NRG1: variants seen among roughly 807,000 people sequenced by gnomAD.
NRG1 encodes the protein neuregulin 1, also known as pro-neuregulin-1, membrane-bound isoform.
Under a neutral mutation model 63.8 loss-of-function variants are expected in NRG1, and 18 were observed. The ratio of observed to expected loss-of-function variants is 0.28; its 90% confidence interval spans 0.19 to 0.42. The LOEUF (loss-of-function observed/expected upper bound fraction) is 0.42, where lower values mean the gene tolerates loss of function less well. NRG1 is among the 10% of genes least tolerant of loss of function. The pLI is 1.00. For missense variants in NRG1, 762 were observed against 814.7 expected (o/e 0.94, Z 0.79); for synonymous variants, 302 against 301.3 (o/e 1.00, Z -0.02).
chr8:31,845,116 A>T (rs1479938286), intron 1 of NRG1, among the ~76,000 whole-genome samples: 1 of 151,308 alleles, frequency 6.6e-6, no homozygotes. Context: ...CAAATAAATA[A>T]ATAAATAAAT....
chr8:32,009,722 A>G (rs1406283231), intron 1 of NRG1, among the ~76,000 whole-genome samples: 2 of 151,964 alleles, frequency 1.3e-5, no homozygotes, highest in African/African-American at 2.4e-5. Flanking sequence ...GATCTTAGCC[A>G]TTGTTTATAG....
rs531742985 is a variant in NRG1 at position 31,702,044 on chromosome 8, A to G, written c.37+62613A>G. ...TTAGGAAGCTTACCAGGTGATTCTT[A>G]TTCACCTGAAAGTTTGAGAATCACT... On this transcript the variant is annotated intron_variant, in intron 1 of 10. Transcript: ENST00000519301. Among the ~76,000 whole-genome samples the G allele has an allele frequency of 3.3e-5, 5 of 152,286 alleles. No homozygotes were observed. In the South Asian group the frequency reaches 1.0e-3, roughly 32 times the overall value.
chr8:32,437,990 G>A (rs1482603842), intron 1 of NRG1, among the ~76,000 whole-genome samples: 1 of 152,046 alleles, frequency 6.6e-6, no homozygotes, highest in African/African-American at 2.4e-5. Context: ...GTATTTTGAG[G>A]TAATTGTAGA....
chr8:32,234,170 G>C (rs1847292759), intron 1 of NRG1, among the ~76,000 whole-genome samples: 1 of 152,136 alleles, frequency 6.6e-6, no homozygotes, highest in Non-Finnish European at 1.5e-5. Flanking sequence ...AAAGATTGAA[G>C]GTTGCCAAAA....
intron 2 of NRG1, among the ~76,000 whole-genome samples, chr8:32,601,450 A>G (rs1844341555): frequency 6.6e-6 from 1 of 152,132 alleles, no homozygotes; most frequent in Non-Finnish European, 1.5e-5. Flanking sequence ...GACACCCTAT[A>G]CATTTTTGAA....
At chr8:31,806,943 G>A (rs887640636) in intron 1 of NRG1, among the ~76,000 whole-genome samples, 5 of 152,208 alleles carry the variant, frequency 3.3e-5, no homozygotes, top group African/African-American at 1.2e-4. Context: ...TTGAGTACAA[G>A]TGTTGGCAAA....
In NRG1 at chr8:32,362,386, G is replaced by A. The variant is rs565694656; in HGVS notation, c.38-233442G>A. ...TTTTTACATTTTCTACATTTAAGAT[G>A]CACACGGAATATGCGATGTTGTGGA... On this transcript the variant is annotated intron_variant, in intron 1 of 10. Coordinates refer to the NRG1 transcript ENST00000519301. 2.9e-4 allele frequency among the ~76,000 whole-genome samples: 44 copies of A among 152,308 alleles called. No individual in the cohort carries two copies. In the South Asian group the frequency reaches 9.1e-3, roughly 32 times the overall value.
chr8:32,595,075 A>C (rs1843120127), intron 1 of NRG1, among the ~76,000 whole-genome samples: 1 of 152,248 alleles, frequency 6.6e-6, no homozygotes, highest in African/African-American at 2.4e-5. Context: ...GATTTTAAAA[A>C]TGGATGTGAT....
intron 1 of NRG1, among the ~76,000 whole-genome samples, chr8:32,292,578 C>T (rs1294813463): frequency 6.6e-6 from 1 of 152,206 alleles, no homozygotes; most frequent in Non-Finnish European, 1.5e-5. Flanking sequence ...CTTGCTCTCT[C>T]TCTCTGTTCT....
chr8:32,743,582 A>ATATATATATATATATG (rs1302414724), intron 7 of NRG1, among the ~76,000 whole-genome samples: 2 of 144,802 alleles, frequency 1.4e-5, no homozygotes, highest in Non-Finnish European at 3.0e-5. Context: ...ACATATATAT[A>ATATATATATATATATG]TATATATATA....
rs2129469645 is a variant in NRG1 at position 32,240,890 on chromosome 8, C to T, written c.38-354938C>T. Among the ~76,000 whole-genome samples, 4 of 152,126 alleles carry T rather than the reference C, an allele frequency of 2.6e-5. 1 individual carries two copies. In the South Asian group the frequency reaches 8.3e-4, roughly 32 times the overall value. On this transcript the variant is annotated intron_variant, in intron 1 of 10. Transcript: ENST00000519301. ...AATAAGCTTTAACTGACCACTCTTT[C>T]CTTCCTATCCAAAGCTTAGTCAATG...
At chr8:31,676,587 C>G (rs1484281189) in intron 1 of NRG1, among the ~76,000 whole-genome samples, 2 of 152,170 alleles carry the variant, frequency 1.3e-5, no homozygotes, top group Non-Finnish European at 2.9e-5. Flanking sequence ...TCTGCTTAAT[C>G]AGAAAGGCCT....
At chr8:32,220,579 ACGCTGGTT>A (rs1257681679) in intron 1 of NRG1, among the ~76,000 whole-genome samples, 2 of 152,164 alleles carry the variant, frequency 1.3e-5, no homozygotes, top group Non-Finnish European at 2.9e-5. Context: ...AGAAATAAAC[ACGCTGGTT>A]CAAAGGAGGG....
chr8:32,354,880 C>A (rs1395582957), intron 1 of NRG1, among the ~76,000 whole-genome samples: 1 of 149,536 alleles, frequency 6.7e-6, no homozygotes, highest in Non-Finnish European at 1.5e-5. Flanking sequence ...TTAAAGGTAG[C>A]TTTTCAAATC....
chr8:32,362,580 G>A (rs1807366093), intron 1 of NRG1, among the ~76,000 whole-genome samples: 1 of 152,086 alleles, frequency 6.6e-6, no homozygotes, highest in Admixed American at 6.6e-5. Context: ...ATACATTCTG[G>A]ATGCATGATG....
chr8:32,516,234 C>A (rs1360002052), intron 1 of NRG1, among the ~76,000 whole-genome samples: 2 of 152,004 alleles, frequency 1.3e-5, no homozygotes, highest in Non-Finnish European at 2.9e-5. Flanking sequence ...AGCTTTATTT[C>A]TGGGTTCTTT....
chr8:31,989,666 C>T (rs1040937658), intron 1 of NRG1, among the ~76,000 whole-genome samples: 14 of 152,068 alleles, frequency 9.2e-5, no homozygotes, highest in South Asian at 2.1e-4. Flanking sequence ...CACTGGGAAG[C>T]GACAGTAATC....
intron 1 of NRG1, among the ~76,000 whole-genome samples, chr8:31,718,025 C>G (rs1050093595): frequency 1.3e-5 from 2 of 152,168 alleles, no homozygotes; most frequent in African/African-American, 2.4e-5. Flanking sequence ...CTTTTTCTAT[C>G]AGTCAGAGAC....
At chr8:31,802,208 TAA>T (rs1821858754) in intron 1 of NRG1, among the ~76,000 whole-genome samples, 1 of 152,248 alleles carries the variant, frequency 6.6e-6, no homozygotes, top group African/African-American at 2.4e-5. Context: ...AAAATATTTT[TAA>T]AGTTAATTAT....
Sources: gnomAD v4.1 joint callset for allele counts (sites outside exome capture counted in the v4.1 genomes callset) on GRCh38, gnomAD v4.1.1 for gene constraint, MANE v1.5 for transcripts, NCBI Gene and HGNC (gene_info 2026-07-23, HGNC 2026-07-21) for gene names.